Variants in PCSK2 observed in about 807,000 individuals in gnomAD.
The protein encoded by PCSK2 is neuroendocrine convertase 2.
PCSK2 carries 14 observed loss-of-function variants against 69.7 expected under a neutral mutation model. The ratio of observed to expected loss-of-function variants is 0.20; its 90% CI spans 0.13 to 0.31. The LOEUF (loss-of-function observed/expected upper bound fraction) is 0.31, where lower values mean the gene tolerates loss of function less well. Among genes scored for constraint, PCSK2 ranks in the 10% least tolerant of loss-of-function variants. PCSK2 has a pLI of 1.00. For synonymous variants in PCSK2, 307 were observed against 320.7 expected (o/e 0.96, Z 0.46); for missense variants, 544 against 842.5 (o/e 0.65, Z 4.39).
intron 5 of PCSK2, among the ~76,000 whole-genome samples, chr20:17,372,712 A>G (rs988940646): frequency 6.6e-5 from 10 of 152,144 alleles, no homozygotes; most frequent in Admixed American, 2.0e-4. Context: ...GGCTGTGAAA[A>G]TGTTCTGCCT....
chr20:17,437,995 CCA>C (rs1480253174), intron 8 of PCSK2, among the ~76,000 whole-genome samples: 68 of 151,504 alleles, frequency 4.5e-4, no homozygotes, highest in East Asian at 1.4e-3. Flanking sequence ...TCCCCCCCAC[CCA>C]CACCGTGCTC....
At chr20:17,336,863 G>T (rs940965679) in intron 2 of PCSK2, among the ~76,000 whole-genome samples, 2 of 152,174 alleles carry the variant, frequency 1.3e-5, no homozygotes, top group African/African-American at 4.8e-5. Flanking sequence ...CATTTCGGAG[G>T]CTGGGGTCTG....
intron 8 of PCSK2, among the ~76,000 whole-genome samples, chr20:17,443,825 A>C (rs2032644464): frequency 1.3e-5 from 2 of 152,250 alleles, no homozygotes; most frequent in African/African-American, 2.4e-5. Flanking sequence ...AGCCCGCTGA[A>C]GCTTAAGAGA....
intron 8 of PCSK2, among the ~76,000 whole-genome samples, chr20:17,439,248 G>T (rs1600581105): frequency 6.6e-6 from 1 of 152,000 alleles, no homozygotes; most frequent in Admixed American, 6.5e-5. Context: ...TGATTCTCCT[G>T]CCTCAGCCTC....
intron 2 of PCSK2, among the ~76,000 whole-genome samples, chr20:17,282,756 A>G (rs1988366572): frequency 6.6e-6 from 1 of 152,194 alleles, no homozygotes; most frequent in African/African-American, 2.4e-5. Context: ...CTGTGAAAAA[A>G]AAAAAAGAAA....
intron 2 of PCSK2, among the ~76,000 whole-genome samples, chr20:17,328,698 C>T (rs1182508981): frequency 1.3e-5 from 2 of 152,100 alleles, no homozygotes. Flanking sequence ...CAATCTAATG[C>T]CCTATTTTAC....
At chr20:17,290,455 C>G (rs1233197374) in intron 2 of PCSK2, among the ~76,000 whole-genome samples, 1 of 152,178 alleles carries the variant, frequency 6.6e-6, no homozygotes. Flanking sequence ...TGTGCCCAGC[C>G]TGGAATGTGT....
intron 2 of PCSK2, among the ~76,000 whole-genome samples, chr20:17,286,582 T>C (rs532703246): frequency 1.3e-5 from 2 of 152,358 alleles, no homozygotes; most frequent in South Asian, 4.1e-4. Context: ...TACTAAGATG[T>C]ACCTGGAGGA....
At position 17,421,807 on chromosome 20, in the gene PCSK2, T is replaced by TAAAAAAAAA. The variant is rs56376793; in HGVS notation, c.621-7605_621-7597dup. The stretch of plus-strand genomic sequence containing the variant: ...CCAGTAGCCAGGAAAGGAAGAGAGG[T>TAAAAAAAAA]AAAAAAAAAAAAAAAAAAAAAAAAA... On this transcript the variant is annotated intron_variant, in intron 6 of 11. Transcript: ENST00000262545. Among the ~76,000 whole-genome samples, 185 of 78,948 alleles carry TAAAAAAAAA rather than the reference T, an allele frequency of 2.3e-3. 1 individual carries two copies. Among genetic ancestry groups the TAAAAAAAAA allele is most frequent in the Non-Finnish European group, 2.5e-3 (111 of 43,854 alleles). The allele number at this position is 78,948 out of a possible 152,430, so 51.8% of individuals were successfully genotyped here. A position where few individuals can be genotyped will look rare whatever the true frequency, so the allele number is the denominator to read the frequency against.
chr20:17,418,755 G>A (rs1189769983), intron 6 of PCSK2, among the ~76,000 whole-genome samples: 1 of 152,156 alleles, frequency 6.6e-6, no homozygotes, highest in Non-Finnish European at 1.5e-5. Context: ...TTCTTCAGGT[G>A]TTTTCTGGGC....
chr20:17,456,478 G>C (rs2032925090), intron 10 of PCSK2, 30 bp downstream of exon 10: 1 of 1,234,248 alleles, frequency 8.1e-7, no homozygotes, highest in African/African-American at 1.5e-5. Flanking sequence ...TCCAGGGCCA[G>C]CTCTGCAGGG....
chr20:17,476,899 A>T (rs904045271), intron 11 of PCSK2, among the ~76,000 whole-genome samples: 1 of 152,204 alleles, frequency 6.6e-6, no homozygotes, highest in African/African-American at 2.4e-5. Flanking sequence ...CACCAAATGG[A>T]TGGTTTCCCC....
chr20:17,421,096 C>G (rs920954097), intron 6 of PCSK2, among the ~76,000 whole-genome samples: 1 of 152,234 alleles, frequency 6.6e-6, no homozygotes, highest in Non-Finnish European at 1.5e-5. Context: ...GGATAACAGT[C>G]AGCTCAAGGT....
chr20:17,267,358 C>T (rs1987658174), intron 2 of PCSK2, among the ~76,000 whole-genome samples: 1 of 152,138 alleles, frequency 6.6e-6, no homozygotes, highest in African/African-American at 2.4e-5. Context: ...TTGACAGCAT[C>T]AGGAAAAGGA....
rs766094350 is a variant in PCSK2, at chr20:17,483,954, C to T, written c.*1884C>T. The stretch of plus-strand genomic sequence containing the variant: ...ATGTGTGTATATATGTGTATATATA[C>T]ATACACTTGTATAAATGTATATACA... On this transcript the variant is annotated 3_prime_UTR_variant, in exon 12 of 12. Coordinates refer to ENST00000262545, the MANE Select transcript of PCSK2 (RefSeq NM_002594.5). 4 of 152,368 alleles carry T rather than the reference C, an allele frequency of 2.6e-5. No individual in the cohort carries two copies. Among genetic ancestry groups the T allele is most frequent in the Non-Finnish European group, 5.9e-5 (4 of 67,996 alleles). The allele number at this position is 152,368 out of a possible 1,614,324, so 9.4% of individuals were successfully genotyped here. A position where few individuals can be genotyped will look rare whatever the true frequency, so the allele number is the denominator to read the frequency against.
chr20:17,350,671 G>T (rs2029953705), intron 2 of PCSK2, among the ~76,000 whole-genome samples: 1 of 152,180 alleles, frequency 6.6e-6, no homozygotes, highest in African/African-American at 2.4e-5. Flanking sequence ...TGATGACTCT[G>T]CCATGTTTTA....
rs886526533 is a variant in PCSK2 at position 17,384,865 on chromosome 20, C to T, written c.543+15588C>T. Among the ~76,000 whole-genome samples, 6 of 151,992 alleles carry T rather than the reference C, an allele frequency of 3.9e-5. 1 individual carries two copies. Among genetic ancestry groups the T allele is most frequent in the African/African-American group, 1.5e-4 (6 of 41,374 alleles). ...AGGATCTATTGAGCCTAAGTCGAAG[C>T]TACGGTGAGCCACAATCACACCACT... On this transcript the variant is annotated intron_variant, in intron 5 of 11. Transcript: ENST00000262545.
chr20:17,418,006 T>C (rs1194098574), intron 6 of PCSK2, among the ~76,000 whole-genome samples: 1 of 152,178 alleles, frequency 6.6e-6, no homozygotes, highest in African/African-American at 2.4e-5. Context: ...CATGAAACTG[T>C]TTTGGTGTGC....
intron 8 of PCSK2, among the ~76,000 whole-genome samples, chr20:17,443,812 C>A (rs1568652729): frequency 6.6e-6 from 1 of 152,220 alleles, no homozygotes; most frequent in African/African-American, 2.4e-5. Context: ...GCAAAGCATG[C>A]CGAGCCCGCT....
Sources: allele counts gnomAD v4.1 joint callset (sites outside exome capture counted in the v4.1 genomes callset), GRCh38; gene constraint gnomAD v4.1.1; transcripts MANE v1.5; gene names NCBI Gene and HGNC (gene_info 2026-07-23, HGNC 2026-07-21).